TAFA4: variants seen among roughly 807,000 people sequenced by gnomAD.
The protein encoded by TAFA4 is TAFA chemokine like family member 4.
A neutral mutation model predicts 21.1 loss-of-function variants in TAFA4; 20 were observed. That is an observed-to-expected ratio of 0.95 (90% confidence interval 0.67 to 1.38). The LOEUF (loss-of-function observed/expected upper bound fraction) is 1.38, where lower values mean the gene tolerates loss of function less well. TAFA4 is among the 40% of genes most tolerant of loss of function. The pLI, the probability that TAFA4 is intolerant of heterozygous loss-of-function variation, is 0.00. For missense variants in TAFA4, 211 were observed against 180.9 expected (o/e 1.17, Z -0.95); for synonymous variants, 71 against 67.4 (o/e 1.05, Z -0.26).
chr3:68,832,837 T>C (rs1704432291), intron 3 of TAFA4, among the ~76,000 whole-genome samples: 1 of 152,236 alleles, frequency 6.6e-6, no homozygotes, highest in Admixed American at 6.5e-5. Flanking sequence ...TGCAGTGGGC[T>C]CTGCCCAGTT....
At chr3:68,864,001 G>C (rs1008745650) in intron 3 of TAFA4, among the ~76,000 whole-genome samples, 1 of 151,948 alleles carries the variant, frequency 6.6e-6, no homozygotes, top group Non-Finnish European at 1.5e-5. Context: ...ACTAAAAACT[G>C]TCTCAAAGAA....
At chr3:68,748,815 C>T (rs1459410806) in intron 4 of TAFA4, among the ~76,000 whole-genome samples, 3 of 151,494 alleles carry the variant, frequency 2.0e-5, no homozygotes, top group Non-Finnish European at 1.5e-5. Flanking sequence ...AAAGTAACTA[C>T]TTTCCATTTC....
intron 1 of TAFA4, among the ~76,000 whole-genome samples, chr3:68,909,851 C>T (rs2089942531): frequency 6.6e-6 from 1 of 152,172 alleles, no homozygotes; most frequent in African/African-American, 2.4e-5. Context: ...TATCTAGATG[C>T]TTTGTTTAGG....
At chr3:68,882,741 T>C (rs1254644254) in intron 2 of TAFA4, among the ~76,000 whole-genome samples, 2 of 152,224 alleles carry the variant, frequency 1.3e-5, no homozygotes, top group African/African-American at 2.4e-5. Context: ...TGATTGATAA[T>C]AGCATCTAGA....
chr3:68,737,658 T>G (rs569770755), intron 5 of TAFA4, among the ~76,000 whole-genome samples: 2 of 152,320 alleles, frequency 1.3e-5, no homozygotes, highest in South Asian at 4.1e-4. Flanking sequence ...CTTTATATTT[T>G]AATATATTTT....
intron 3 of TAFA4, among the ~76,000 whole-genome samples, chr3:68,775,173 G>T (rs1034297211): frequency 6.6e-5 from 10 of 152,098 alleles, no homozygotes; most frequent in African/African-American, 2.2e-4. Context: ...ATGTGAGCTG[G>T]GAGCCTCTAA....
chr3:68,776,105 G>T (rs901288249), intron 3 of TAFA4, among the ~76,000 whole-genome samples: 2 of 152,072 alleles, frequency 1.3e-5, no homozygotes, highest in East Asian at 3.9e-4. Context: ...TGGAGGAATG[G>T]AGGGACATAA....
At chr3:68,750,153 C>A (rs2106748512) in intron 4 of TAFA4, among the ~76,000 whole-genome samples, 1 of 152,202 alleles carries the variant, frequency 6.6e-6, no homozygotes, top group South Asian at 2.1e-4. Context: ...GAATGGTGGC[C>A]AGGTGTAATG....
intron 1 of TAFA4, among the ~76,000 whole-genome samples, chr3:68,918,909 C>G (rs1257774249): frequency 7.4e-6 from 1 of 134,648 alleles, no homozygotes; most frequent in Non-Finnish European, 1.6e-5. Flanking sequence ...TTGCAATTCA[C>G]TTTGTTTTTT....
intron 3 of TAFA4, among the ~76,000 whole-genome samples, chr3:68,814,655 A>AC: frequency 6.6e-6 from 1 of 152,226 alleles, no homozygotes. Flanking sequence ...TGCTCAATGA[A>AC]ATAAAAGAGG....
At chr3:68,783,713 A>AAAG (rs1553641278) in intron 3 of TAFA4, among the ~76,000 whole-genome samples, 1,824 of 80,544 alleles carry the variant, frequency 0.023, 61 homozygotes, top group East Asian at 0.1. Flanking sequence ...GAGAGAAAGA[A>AAAG]AAAGAAAGAA....
intron 3 of TAFA4, among the ~76,000 whole-genome samples, chr3:68,777,547 A>G (rs900287177): frequency 1.3e-5 from 2 of 152,150 alleles, no homozygotes; most frequent in Non-Finnish European, 2.9e-5. Flanking sequence ...TGGATAGTAA[A>G]GCCCAAGAAT....
intron 5 of TAFA4, among the ~76,000 whole-genome samples, chr3:68,734,549 C>T (rs1393698252): frequency 6.6e-6 from 1 of 151,874 alleles, no homozygotes; most frequent in Non-Finnish European, 1.5e-5. Context: ...CATGGCAAGA[C>T]TGAACTGTCA....
intron 3 of TAFA4, among the ~76,000 whole-genome samples, chr3:68,780,750 A>T (rs1055134578): frequency 6.6e-6 from 1 of 152,224 alleles, no homozygotes; most frequent in African/African-American, 2.4e-5. Flanking sequence ...CAGAGACCTT[A>T]AAACTTGACT....
chr3:68,830,031 A>G (rs1704345146), intron 3 of TAFA4, among the ~76,000 whole-genome samples: 1 of 152,056 alleles, frequency 6.6e-6, no homozygotes, highest in Non-Finnish European at 1.5e-5. Flanking sequence ...ATCAGTGGTG[A>G]TATCCCTTTT....
intron 1 of TAFA4, among the ~76,000 whole-genome samples, chr3:68,892,560 T>C (rs961548924): frequency 1.3e-5 from 2 of 152,196 alleles, no homozygotes; most frequent in Admixed American, 1.3e-4. Flanking sequence ...AAACTGTACA[T>C]ATGCCCATAA....
At chr3:68,877,985 C>T (rs2089572257) in intron 3 of TAFA4, among the ~76,000 whole-genome samples, 1 of 152,108 alleles carries the variant, frequency 6.6e-6, no homozygotes, top group Admixed American at 6.5e-5. Flanking sequence ...AAAACAGGTT[C>T]AGAGAGGTTA....
intron 3 of TAFA4, among the ~76,000 whole-genome samples, chr3:68,769,965 C>T (rs1702922459): frequency 1.3e-5 from 2 of 152,018 alleles, no homozygotes; most frequent in Admixed American, 1.3e-4. Context: ...AAACAACTGC[C>T]GTGTAAAAGC....
At chr3:68,844,776 C>T (rs1439213889) in intron 3 of TAFA4, among the ~76,000 whole-genome samples, 1 of 152,152 alleles carries the variant, frequency 6.6e-6, no homozygotes, top group African/African-American at 2.4e-5. Flanking sequence ...TTGTTATTTA[C>T]CCAGGAGTGA....
Sources: gnomAD v4.1 joint callset for allele counts (sites outside exome capture counted in the v4.1 genomes callset) on GRCh38, gnomAD v4.1.1 for gene constraint, MANE v1.5 for transcripts, NCBI Gene and HGNC (gene_info 2026-07-23, HGNC 2026-07-21) for gene names.